The following GRM7 variants were observed in gnomAD, a reference collection of about 807,000 sequenced individuals.
GRM7 encodes the protein metabotropic glutamate receptor 7.
GRM7 carries 35 observed loss-of-function variants against 84.5 expected under a neutral mutation model. That is an observed-to-expected ratio of 0.41 (90% CI 0.32 to 0.55). GRM7 has a LOEUF of 0.55. GRM7 is among the 20% of genes least tolerant of loss of function. GRM7 has a pLI of 0.19. For synonymous variants in GRM7, 487 were observed against 455.1 expected, an observed-to-expected ratio of 1.07 and a Z score of -0.89; for missense variants, 1,003 against 1,194.6, an observed-to-expected ratio of 0.84 and a Z score of 2.36.
chr3:7,454,173 G>A (rs1264523596), intron 6 of GRM7, among the ~76,000 whole-genome samples: 9 of 150,154 alleles, frequency 6.0e-5, no homozygotes. Flanking sequence ...GATAATATTT[G>A]TAATTTGCCA....
At chr3:7,245,479 A>G (rs989100184) in intron 2 of GRM7, among the ~76,000 whole-genome samples, 2 of 152,024 alleles carry the variant, frequency 1.3e-5, no homozygotes, top group Non-Finnish European at 2.9e-5. Flanking sequence ...AAACAAAGCC[A>G]TAAGATAAAG....
Position 6,861,970 on chromosome 3 carries a change from G to C in GRM7, c.519+63G>C. On this transcript the variant is annotated intron_variant, in intron 1 of 9. Transcript: ENST00000357716. This position sits in a 1 kb window ranked among gnomAD's most constrained non-coding sequence, Gnocchi z 6.4. ...GCTACCTGCGCCCTTAACCCTAAAA[G>C]CTGGCTTGGACTCCGGTGGTGCGGG... The C allele has an allele frequency of 7.0e-7, 1 of 1,430,926 alleles. No homozygotes were observed. Among genetic ancestry groups the C allele is most frequent in the Non-Finnish European group, 9.6e-7 (1 of 1,044,566 alleles). The allele number at this position is 1,430,926 out of a possible 1,614,324, so 88.6% of individuals were successfully genotyped here. A position where few individuals can be genotyped will look rare whatever the true frequency, so the allele number is the denominator to read the frequency against.
At chr3:7,128,508 G>GTTTTTTTT (rs1337942490) in intron 1 of GRM7, among the ~76,000 whole-genome samples, 1 of 74,942 alleles carries the variant, frequency 1.3e-5, no homozygotes, top group Admixed American at 1.2e-4. Flanking sequence ...AGACTTCCTT[G>GTTTTTTTT]TTTTTTTTTT....
intron 5 of GRM7, among the ~76,000 whole-genome samples, chr3:7,431,656 A>G (rs530855229): frequency 6.6e-6 from 1 of 152,310 alleles, no homozygotes; most frequent in African/African-American, 2.4e-5. Flanking sequence ...GGTCAATAAT[A>G]GTAATAGCAA....
intron 2 of GRM7, among the ~76,000 whole-genome samples, chr3:7,259,805 C>G (rs1327641718): frequency 1.3e-5 from 2 of 151,762 alleles, no homozygotes; most frequent in South Asian, 4.2e-4. Flanking sequence ...GGGTATATAC[C>G]CAGTAATGGG....
chr3:7,344,388 T>C (rs1692792073), intron 4 of GRM7, among the ~76,000 whole-genome samples: 1 of 152,206 alleles, frequency 6.6e-6, no homozygotes, highest in African/African-American at 2.4e-5. Context: ...GATAATGGTC[T>C]CCAGTTCCAT....
At chr3:7,682,336 C>CAAAAAAAAA (rs905940773) in intron 9 of GRM7, 1 of 51,080 alleles carries the variant, frequency 2.0e-5, no homozygotes. Flanking sequence ...AACTCCATCT[C>CAAAAAAAAA]AAAAAAAAAA....
intron 1 of GRM7, among the ~76,000 whole-genome samples, chr3:6,885,608 A>G (rs572593032): frequency 6.6e-6 from 1 of 152,264 alleles, no homozygotes; most frequent in Non-Finnish European, 1.5e-5. Context: ...AGAAATATGG[A>G]TTTATTCCCA....
At chr3:7,161,204 G>A (rs527312114) in intron 2 of GRM7, among the ~76,000 whole-genome samples, 1 of 151,536 alleles carries the variant, frequency 6.6e-6, no homozygotes, top group African/African-American at 2.4e-5. Context: ...CGATCTGAAG[G>A]CACCACCAAG....
intron 4 of GRM7, among the ~76,000 whole-genome samples, chr3:7,387,549 T>C (rs1390309201): frequency 6.6e-6 from 1 of 152,158 alleles, no homozygotes; most frequent in Admixed American, 6.5e-5. Context: ...CTAGGATATA[T>C]TTTCTCTATT....
intron 2 of GRM7, among the ~76,000 whole-genome samples, chr3:7,236,010 A>G (rs1697335930): frequency 6.6e-6 from 1 of 152,188 alleles, no homozygotes; most frequent in African/African-American, 2.4e-5. Context: ...GTCCTTGCAG[A>G]CACTGCATCT....
At chr3:7,311,613 G>C (rs1474381990) in intron 4 of GRM7, among the ~76,000 whole-genome samples, 2 of 127,872 alleles carry the variant, frequency 1.6e-5, no homozygotes, top group African/African-American at 8.7e-5. Flanking sequence ...TTTTTTTTTG[G>C]GATGGAGTCT....
chr3:7,298,593 G>C (rs903716374), intron 2 of GRM7, 91 bp from the exon 3 acceptor site: 1 of 1,048,256 alleles, frequency 9.5e-7, no homozygotes, highest in Non-Finnish European at 1.4e-6. Flanking sequence ...GCATATCCGG[G>C]ATTCAGAATC....
At chr3:7,112,296 C>T (rs1692883662) in intron 1 of GRM7, among the ~76,000 whole-genome samples, 1 of 151,658 alleles carries the variant, frequency 6.6e-6, no homozygotes, top group African/African-American at 2.4e-5. Flanking sequence ...ACGATCTCAG[C>T]TCACTACAAC....
chr3:7,382,415 C>T (rs1268118282), intron 4 of GRM7, among the ~76,000 whole-genome samples: 3 of 152,090 alleles, frequency 2.0e-5, no homozygotes, highest in South Asian at 2.1e-4. Context: ...AACAGGGCTG[C>T]GATGGTGTGT....
intron 7 of GRM7, among the ~76,000 whole-genome samples, chr3:7,560,007 G>A (rs570764920): frequency 6.6e-6 from 1 of 152,002 alleles, no homozygotes; most frequent in Non-Finnish European, 1.5e-5. Flanking sequence ...CCTTAAAGGC[G>A]ACATTTCCAA....
intron 4 of GRM7, among the ~76,000 whole-genome samples, chr3:7,396,250 G>A (rs1028824872): frequency 1.3e-5 from 2 of 151,774 alleles, no homozygotes; most frequent in Non-Finnish European, 1.5e-5. Context: ...TGAGTTTATC[G>A]TGACCTACAT....
chr3:7,379,386 C>A (rs1252408829), intron 4 of GRM7, among the ~76,000 whole-genome samples: 1 of 152,130 alleles, frequency 6.6e-6, no homozygotes, highest in Admixed American at 6.5e-5. Context: ...AGCCACCATG[C>A]CCAGACTCTT....
intron 2 of GRM7, among the ~76,000 whole-genome samples, chr3:7,211,897 C>T (rs1278941751): frequency 6.6e-6 from 1 of 151,990 alleles, no homozygotes; most frequent in East Asian, 1.9e-4. Flanking sequence ...TTGACTTCCC[C>T]GACTTGGTGT....
Sources: gnomAD v4.1 joint callset for allele counts (sites outside exome capture counted in the v4.1 genomes callset) on GRCh38, gnomAD v4.1.1 for gene constraint, Gnocchi (gnomAD v3.1) non-coding constraint, MANE v1.5 for transcripts, NCBI Gene and HGNC (gene_info 2026-07-23, HGNC 2026-07-21) for gene names.